The following XKR4 variants were observed in gnomAD, a reference collection of about 807,000 sequenced individuals.
The protein encoded by XKR4 is XK-related protein 4.
A neutral mutation model predicts 53.9 loss-of-function variants in XKR4; 12 were observed. The ratio of observed to expected loss-of-function variants is 0.22; its 90% CI spans 0.14 to 0.36. The LOEUF (loss-of-function observed/expected upper bound fraction) is 0.36. Ranked by LOEUF, XKR4 falls within the 10% of genes least tolerant of loss-of-function variation. XKR4 has a pLI of 1.00. For missense variants in XKR4, 799 were observed against 859.5 expected (o/e 0.93, Z 0.88); for synonymous variants, 354 against 362.4 (o/e 0.98, Z 0.26).
chr8:55,403,353 G>A (rs1348157843), intron 2 of XKR4, among the ~76,000 whole-genome samples: 3 of 152,024 alleles, frequency 2.0e-5, no homozygotes, highest in South Asian at 2.1e-4. Context: ...TTATTTTCTC[G>A]CTTTATAGCT....
intron 2 of XKR4, chr8:55,454,257 C>T: frequency 7.8e-7 from 1 of 1,284,364 alleles, no homozygotes; most frequent in East Asian, 2.3e-5. Context: ...AGATCAGCTA[C>T]AATCACGTCT....
chr8:55,469,629 C>A (rs1805840881), intron 2 of XKR4, among the ~76,000 whole-genome samples: 1 of 152,082 alleles, frequency 6.6e-6, no homozygotes, highest in South Asian at 2.1e-4. Context: ...CATAATATAG[C>A]AGAACTTAAA....
intron 2 of XKR4, among the ~76,000 whole-genome samples, chr8:55,443,833 C>T (rs1203465719): frequency 8.7e-6 from 1 of 115,288 alleles, no homozygotes; most frequent in East Asian, 2.3e-4. Flanking sequence ...GAGTAAAACT[C>T]CGTCTCAAAA....
chr8:55,426,438 C>A (rs1478477952), intron 2 of XKR4, among the ~76,000 whole-genome samples: 1 of 152,074 alleles, frequency 6.6e-6, no homozygotes, highest in Admixed American at 6.6e-5. Flanking sequence ...GGGTTTGGTG[C>A]CCTTACTGTA....
At chr8:55,503,342 T>C (rs1003262227) in intron 2 of XKR4, among the ~76,000 whole-genome samples, 3 of 152,200 alleles carry the variant, frequency 2.0e-5, no homozygotes, top group Non-Finnish European at 2.9e-5. Flanking sequence ...CACTTATTTA[T>C]GGCTTCTTTC....
At chr8:55,155,173 T>C (rs1471424851) in intron 1 of XKR4, among the ~76,000 whole-genome samples, 1 of 152,180 alleles carries the variant, frequency 6.6e-6, no homozygotes, top group African/African-American at 2.4e-5. Context: ...ACATTGAATA[T>C]AATGCTGCGC....
At chr8:55,392,914 A>C (rs920584130) in intron 2 of XKR4, among the ~76,000 whole-genome samples, 1 of 152,220 alleles carries the variant, frequency 6.6e-6, no homozygotes, top group Admixed American at 6.5e-5. Flanking sequence ...TTGGCAATTA[A>C]AAGTTAAGAA....
At chr8:55,185,323 G>A (rs1817361784) in intron 1 of XKR4, among the ~76,000 whole-genome samples, 1 of 152,140 alleles carries the variant, frequency 6.6e-6, no homozygotes, top group Non-Finnish European at 1.5e-5. Context: ...CTGGCATTGA[G>A]GCAATAATTC....
At chr8:55,388,232 G>T (rs753611196) in intron 2 of XKR4, among the ~76,000 whole-genome samples, 4 of 151,896 alleles carry the variant, frequency 2.6e-5, no homozygotes, top group Non-Finnish European at 4.4e-5. Flanking sequence ...CCAATTTGTT[G>T]TTTTCTAAAT....
chr8:55,469,545 A>G (rs934868160), intron 2 of XKR4, among the ~76,000 whole-genome samples: 8 of 152,170 alleles, frequency 5.3e-5, no homozygotes, highest in African/African-American at 1.9e-4. Context: ...ATAACAAGTA[A>G]TCACTTTAAA....
chr8:55,145,261 C>T (rs984378255), intron 1 of XKR4, among the ~76,000 whole-genome samples: 13 of 152,180 alleles, frequency 8.5e-5, no homozygotes, highest in South Asian at 2.1e-4. Flanking sequence ...TCCACTCACA[C>T]GCTCTGCAGA....
intron 2 of XKR4, among the ~76,000 whole-genome samples, chr8:55,399,683 A>G (rs1264453873): frequency 6.6e-6 from 1 of 152,196 alleles, no homozygotes; most frequent in East Asian, 1.9e-4. Context: ...CGCTCGTGCC[A>G]ATGCAGCCAT....
intron 1 of XKR4, among the ~76,000 whole-genome samples, chr8:55,274,313 C>A (rs532378771): frequency 6.6e-5 from 10 of 152,292 alleles, no homozygotes; most frequent in African/African-American, 2.4e-4. Flanking sequence ...AAGGGGCCAG[C>A]AAGATTGGTT....
Position 55,418,591 on chromosome 8 carries a change from C to T in XKR4, c.1006+60714C>T, listed in dbSNP as rs114686669. ...CCGGCCTCCCCTCTTCTGCCCTGTC[C>T]CCTCAGTCCATTTTCAACACAGCAG... On this transcript the variant is annotated intron_variant, in intron 2 of 2. Transcript: ENST00000327381. 4.2e-3 allele frequency among the ~76,000 whole-genome samples: 634 copies of T among 152,242 alleles called. 7 individuals carry two copies. The highest frequency in any genetic ancestry group is 0.014 in the African/African-American group (597 of 41,538).
At chr8:55,194,260 G>T (rs887264583) in intron 1 of XKR4, among the ~76,000 whole-genome samples, 2 of 152,194 alleles carry the variant, frequency 1.3e-5, no homozygotes, top group African/African-American at 4.8e-5. Flanking sequence ...TTTTAGCCAT[G>T]GAGACGTTCC....
chr8:55,450,734 T>C (rs1805425941), intron 2 of XKR4: 2 of 582,852 alleles, frequency 3.4e-6, no homozygotes, highest in Admixed American at 2.1e-5. Flanking sequence ...AGCCACTCCT[T>C]CTCCACCAGC....
chr8:55,209,520 G>C (rs1690820898), intron 1 of XKR4, among the ~76,000 whole-genome samples: 1 of 152,162 alleles, frequency 6.6e-6, no homozygotes, highest in African/African-American at 2.4e-5. Context: ...AGAGTATTGT[G>C]GGGAGGGCAG....
intron 2 of XKR4, among the ~76,000 whole-genome samples, chr8:55,487,313 C>T (rs1806206921): frequency 6.6e-6 from 1 of 152,166 alleles, no homozygotes; most frequent in African/African-American, 2.4e-5. Context: ...TATTTGTTCT[C>T]TATGAGCCCA....
intron 2 of XKR4, among the ~76,000 whole-genome samples, chr8:55,476,442 C>T (rs1406177889): frequency 3.9e-5 from 6 of 152,040 alleles, no homozygotes; most frequent in East Asian, 1.9e-4. Context: ...CCAAGATGGC[C>T]GAATAGGAAC....
Sources: gnomAD v4.1 joint callset for allele counts (sites outside exome capture counted in the v4.1 genomes callset) on GRCh38, gnomAD v4.1.1 for gene constraint, MANE v1.5 for transcripts, NCBI Gene and HGNC (gene_info 2026-07-23, HGNC 2026-07-21) for gene names.